The following SIPA1L1 variants were observed in gnomAD, a reference collection of about 807,000 sequenced individuals.
SIPA1L1 encodes the protein signal-induced proliferation-associated 1-like protein 1.
In SIPA1L1, 26 loss-of-function variants were observed where a neutral mutation model predicts 162.7. The observed-to-expected ratio is 0.16, with a 90% CI of 0.12 to 0.22. The LOEUF is 0.22. Ranked by LOEUF, SIPA1L1 falls within the 10% of genes least tolerant of loss-of-function variation. The pLI is 1.00. For missense variants in SIPA1L1, 1,874 were observed against 2,241.0 expected, an observed-to-expected ratio of 0.84 and a Z score of 3.31; for synonymous variants, 829 against 837.4, an observed-to-expected ratio of 0.99 and a Z score of 0.17.
At chr14:71,483,910 T>C (rs1567087339) in intron 2 of SIPA1L1, among the ~76,000 whole-genome samples, 1 of 152,148 alleles carries the variant, frequency 6.6e-6, no homozygotes, top group Non-Finnish European at 1.5e-5. Context: ...CCCTCTGACA[T>C]CGCTAGGTTG....
intron 2 of SIPA1L1, among the ~76,000 whole-genome samples, chr14:71,358,734 A>T (rs1446377700): frequency 6.6e-6 from 1 of 152,222 alleles, no homozygotes; most frequent in Non-Finnish European, 1.5e-5. Flanking sequence ...CAGGCTGTAC[A>T]GGAAGCATGA....
At chr14:71,370,881 ATAG>A (rs1466449891) in intron 2 of SIPA1L1, among the ~76,000 whole-genome samples, 1 of 152,166 alleles carries the variant, frequency 6.6e-6, no homozygotes, top group African/African-American at 2.4e-5. Flanking sequence ...TTGTTTTTAA[ATAG>A]TAATAATTTA....
intron 5 of SIPA1L1, among the ~76,000 whole-genome samples, chr14:71,594,627 G>A (rs573265379): frequency 1.3e-5 from 2 of 152,220 alleles, no homozygotes; most frequent in African/African-American, 2.4e-5. Context: ...TGTGTTCTAC[G>A]CTGTTGAATT....
At chr14:71,334,375 G>C (rs1365056050) in intron 2 of SIPA1L1, among the ~76,000 whole-genome samples, 2 of 152,212 alleles carry the variant, frequency 1.3e-5, no homozygotes, top group African/African-American at 4.8e-5. Flanking sequence ...TTGTATTGTG[G>C]AAAGTTAGCA....
chr14:71,321,152 C>T lies in SIPA1L1; in HGVS notation c.-494C>T, dbSNP rs1392897139. On this transcript the variant is annotated 5_prime_UTR_variant, in exon 2 of 24. Coordinates refer to ENST00000381232, the MANE Select transcript of SIPA1L1 (RefSeq NM_001386936.1). ...GCGCGCGGCGGACGCGCCCGGGACG[C>T]GCGGCGGCACCGGGAGGCCGGGCCG... 1 of 152,112 alleles carries T rather than the reference C, an allele frequency of 6.6e-6. No homozygotes were observed. Among genetic ancestry groups the T allele is most frequent in the Admixed American group, 6.5e-5 (1 of 15,280 alleles). The allele number at this position is 152,112 out of a possible 1,614,324, so 9.4% of individuals were successfully genotyped here. A position where few individuals can be genotyped will look rare whatever the true frequency, so the allele number is the denominator to read the frequency against.
Position 71,650,419 on chromosome 14 carries a change from G to C in SIPA1L1, c.1903G>C (p.Gly635Arg). ...EEEMYNNESA[G>R]PAFEEFLQLL... ...AGAGATGTACAACAATGAGTCAGCTGGCCCAGCCTTTGAAGAATTTCTTCA... is the reference window on the plus strand; with the variant it reads ...AGAGATGTACAACAATGAGTCAGCTCGCCCAGCCTTTGAAGAATTTCTTCA... Residue 635 changes from glycine to arginine, a missense_variant, in exon 8 of 24, where the codon GGC becomes CGC. Around this residue, in one of 5 missense-constraint regions of SIPA1L1, gnomAD observed 685 missense variants for 828.0 expected, o/e 0.83. Transcript: ENST00000381232. 1 of 1,614,180 alleles carries C rather than the reference G, an allele frequency of 6.2e-7. No individual in the cohort carries two copies. Among genetic ancestry groups the C allele is most frequent in the Non-Finnish European group, 8.5e-7 (1 of 1,179,976 alleles).
At chr14:71,544,151 G>A (rs1243402786) in intron 4 of SIPA1L1, among the ~76,000 whole-genome samples, 1 of 140,172 alleles carries the variant, frequency 7.1e-6, no homozygotes, top group Non-Finnish European at 1.5e-5. Flanking sequence ...ATATATGCAC[G>A]TGTGTGTATA....
At chr14:71,550,280 A>G (rs2055688565) in intron 4 of SIPA1L1, among the ~76,000 whole-genome samples, 1 of 152,150 alleles carries the variant, frequency 6.6e-6, no homozygotes, top group Admixed American at 6.5e-5. Flanking sequence ...AAGTTTAAAA[A>G]AGCCAAAGGG....
intron 2 of SIPA1L1, among the ~76,000 whole-genome samples, chr14:71,423,715 G>A (rs185794719): frequency 6.6e-4 from 101 of 152,196 alleles, no homozygotes; most frequent in African/African-American, 2.2e-3. Context: ...TTACCATAGC[G>A]TTGTAGTAAG....
At chr14:71,381,295 G>A (rs1470657673) in intron 2 of SIPA1L1, among the ~76,000 whole-genome samples, 1 of 151,976 alleles carries the variant, frequency 6.6e-6, no homozygotes, top group Non-Finnish European at 1.5e-5. Flanking sequence ...CTCGTGATCC[G>A]CCCTCCTTGT....
intron 2 of SIPA1L1, among the ~76,000 whole-genome samples, chr14:71,491,731 CCA>C (rs1281419046): frequency 7.1e-6 from 1 of 140,662 alleles, no homozygotes; most frequent in East Asian, 2.4e-4. Context: ...CAGGCGTGAG[CCA>C]CCGTTTCAGG....
At chr14:71,685,290 G>C in intron 12 of SIPA1L1, 72 bp from the exon 13 acceptor site, 1 of 1,512,538 alleles carries the variant, frequency 6.6e-7, no homozygotes, top group South Asian at 1.2e-5. Flanking sequence ...GTGTTAATGA[G>C]AATCAATGTG....
intron 4 of SIPA1L1, among the ~76,000 whole-genome samples, chr14:71,581,331 A>T (rs2033901187): frequency 6.6e-6 from 1 of 152,118 alleles, no homozygotes; most frequent in African/African-American, 2.4e-5. Flanking sequence ...GTGGCTGCAG[A>T]TTTCTTGGAG....
chr14:71,715,668 A>G (rs1178027712), intron 17 of SIPA1L1, among the ~76,000 whole-genome samples: 1 of 152,212 alleles, frequency 6.6e-6, no homozygotes, highest in East Asian at 1.9e-4. Flanking sequence ...TTTAAGACCA[A>G]AGGTTTTTTG....
At chr14:71,478,084 CATT>C (rs1279869233) in intron 2 of SIPA1L1, among the ~76,000 whole-genome samples, 3 of 152,182 alleles carry the variant, frequency 2.0e-5, no homozygotes, top group African/African-American at 7.2e-5. Context: ...AGTGGTGTCT[CATT>C]ATGGTGTTAA....
At chr14:71,398,009 A>ATT (rs1207564931) in intron 2 of SIPA1L1, among the ~76,000 whole-genome samples, 6 of 93,798 alleles carry the variant, frequency 6.4e-5, no homozygotes, top group African/African-American at 2.6e-4. Flanking sequence ...AAAAAAAAAA[A>ATT]TTTTTTTTTT....
At chr14:71,674,480 C>CT (rs1291944508) in intron 12 of SIPA1L1, among the ~76,000 whole-genome samples, 2 of 151,126 alleles carry the variant, frequency 1.3e-5, no homozygotes, top group African/African-American at 2.4e-5. Flanking sequence ...GAAAAAAGCA[C>CT]TTTTTTATGG....
At chr14:71,416,720 TACACACACACACACACACACAC>T (rs3085177) in intron 2 of SIPA1L1, among the ~76,000 whole-genome samples, 1 of 147,738 alleles carries the variant, frequency 6.8e-6, no homozygotes, top group Admixed American at 6.8e-5. Flanking sequence ...AAGAAAAATC[TACACACACACACACACACACAC>T]ACACACACAC....
At chr14:71,496,972 C>A (rs1392125475) in intron 2 of SIPA1L1, among the ~76,000 whole-genome samples, 2 of 152,130 alleles carry the variant, frequency 1.3e-5, no homozygotes, top group East Asian at 3.9e-4. Flanking sequence ...GGGATTGAGA[C>A]CATCCTGGCC....
Sources: gnomAD v4.1 joint callset for allele counts (sites outside exome capture counted in the v4.1 genomes callset) on GRCh38, gnomAD v4.1.1 for gene constraint, gnomAD v4.1.1 regional missense constraint, MANE v1.5 for transcripts, NCBI Gene and HGNC (gene_info 2026-07-23, HGNC 2026-07-21) for gene names.